Variants in SLC7A6OS observed in about 807,000 individuals in gnomAD.
SLC7A6OS encodes probable RNA polymerase II nuclear localization protein SLC7A6OS.
A neutral mutation model predicts 34.3 loss-of-function variants in SLC7A6OS; 22 were observed. That is an observed-to-expected ratio of 0.64 (90% CI 0.46 to 0.92). SLC7A6OS has a LOEUF of 0.92. Among genes scored for constraint, SLC7A6OS ranks in the 40% least tolerant of loss-of-function variants. The pLI, the probability that SLC7A6OS is intolerant of heterozygous loss-of-function variation, is 0.00. For synonymous variants in SLC7A6OS, 199 were observed against 165.0 expected, an observed-to-expected ratio of 1.21 and a Z score of -1.58; for missense variants, 434 against 407.7, an observed-to-expected ratio of 1.06 and a Z score of -0.56.
intron 2 of SLC7A6OS, among the ~76,000 whole-genome samples, chr16:68,305,074 CAG>C (rs1389270095): frequency 1.3e-5 from 2 of 152,148 alleles, no homozygotes; most frequent in African/African-American, 4.8e-5. Context: ...AGGGGAAAGA[CAG>C]AAGACCTGGC....
At position 68,299,973 on chromosome 16, in the gene SLC7A6OS, TGAA is replaced by T. The variant is rs2043240612; in HGVS notation, c.*1299_*1301del. 6.6e-6 allele frequency: 1 copy of T among 152,130 alleles called. No homozygotes were observed. Among genetic ancestry groups the T allele is most frequent in the African/African-American group, 2.4e-5 (1 of 41,404 alleles). The allele number at this position is 152,130 out of a possible 1,614,324, so 9.4% of individuals were successfully genotyped here. A position where few individuals can be genotyped will look rare whatever the true frequency, so the allele number is the denominator to read the frequency against. Reference sequence around the variant, plus strand: ...AGTCAAAGAATGATGGCAGGTAGGATGAAGGAGAGATACTTAGGAAATCCTAAA... The same window carrying T: ...AGTCAAAGAATGATGGCAGGTAGGATGGAGAGATACTTAGGAAATCCTAAA... On this transcript the variant is annotated 3_prime_UTR_variant, in exon 5 of 5. Coordinates refer to ENST00000263997, the MANE Select transcript of SLC7A6OS (RefSeq NM_032178.3).
chr16:68,304,251 TTA>T lies in SLC7A6OS; in HGVS notation c.472-21_472-20del. On this transcript the variant is annotated intron_variant, in intron 2 of 4. Coordinates refer to ENST00000263997, the MANE Select transcript of SLC7A6OS (RefSeq NM_032178.3). ...CAGATGTCTGTAAAGAAACCACAGA[TTA>T]CACACACACGCATGACCCAAAACAT... 1 of 1,606,900 alleles carries T rather than the reference TTA, an allele frequency of 6.2e-7. No homozygotes were observed. The highest frequency in any genetic ancestry group is 1.1e-5 in the South Asian group (1 of 90,948).
At chr16:68,302,853 A>C (rs901874987) in intron 3 of SLC7A6OS, among the ~76,000 whole-genome samples, 31 of 152,266 alleles carry the variant, frequency 2.0e-4, no homozygotes, top group African/African-American at 6.5e-4. Context: ...CAGTGGTCCA[A>C]GGTGGGTACC....
Position 68,300,885 on chromosome 16 carries a change from C to T in SLC7A6OS, c.*390G>A, listed in dbSNP as rs756292838. 1 of 990,794 alleles carries T rather than the reference C, an allele frequency of 1.0e-6. No homozygotes were observed. Among genetic ancestry groups the T allele is most frequent in the Non-Finnish European group, 1.2e-6 (1 of 833,624 alleles). 61.4% of individuals were successfully genotyped at this position (990,794 alleles called of 1,614,324 possible). A position where few individuals can be genotyped will look rare whatever the true frequency, so the allele number is the denominator to read the frequency against. ...ACAGGGTTTTCCTAGAGGCAGGCAG[C>T]CTGGTGGTATGGCACAGCAGAAGCT... is the stretch of plus-strand genomic sequence containing the variant. On this transcript the variant is annotated 3_prime_UTR_variant, in exon 5 of 5. Coordinates refer to ENST00000263997, the MANE Select transcript of SLC7A6OS (RefSeq NM_032178.3).
intron 2 of SLC7A6OS, among the ~76,000 whole-genome samples, chr16:68,307,650 A>C (rs1442033470): frequency 1.3e-5 from 2 of 152,180 alleles, no homozygotes; most frequent in African/African-American, 2.4e-5. Flanking sequence ...GGCTTGCATC[A>C]ATTTTATTCC....
Position 68,310,813 on chromosome 16 carries a change from C to A in SLC7A6OS, c.114G>T (p.Ala38=), listed in dbSNP as rs199568667. ...CCAAACCCTCCGACGTCTTCTGTGC[C>A]GCTGACTCGACCGCGTCGCTCCGGA... ...KRLRSDAVES[A]AQKTSEGLER... The change falls in exon 1 of 5, where the codon GCG becomes GCT. Residue 38 remains alanine, a synonymous_variant. Coordinates refer to ENST00000263997, the MANE Select transcript of SLC7A6OS (RefSeq NM_032178.3). 1.2e-5 allele frequency: 20 copies of A among 1,613,826 alleles called. No individual in the cohort carries two copies. In the East Asian group the frequency reaches 3.3e-4, roughly 27 times the overall value.
At chr16:68,310,674 C>T (rs991329800) in intron 1 of SLC7A6OS, 61 bp from the exon 2 acceptor site, 200 of 1,580,248 alleles carry the variant, frequency 1.3e-4, no homozygotes, top group Non-Finnish European at 1.7e-4. Flanking sequence ...GGTCAGGGAT[C>T]GGGTTTCGTA....
chr16:68,310,943 CA>C lies in SLC7A6OS; in HGVS notation c.-18del. 1 of 1,563,046 alleles carries C rather than the reference CA, an allele frequency of 6.4e-7. No individual in the cohort carries two copies. On this transcript the variant is annotated 5_prime_UTR_variant, in exon 1 of 5. Transcript: ENST00000263997. ...GGCCTCCATAGTGGCTGCCGCTGAG[CA>C]CTGTGGGAGCTCGCGGGGTGTGATG...
At position 68,304,251 on chromosome 16, in the gene SLC7A6OS, T is replaced by C; in HGVS notation, c.472-19A>G. On this transcript the variant is annotated intron_variant, in intron 2 of 4. Coordinates refer to ENST00000263997, the MANE Select transcript of SLC7A6OS (RefSeq NM_032178.3). ...CAGATGTCTGTAAAGAAACCACAGA[T>C]TACACACACACGCATGACCCAAAAC... 6.2e-7 allele frequency: 1 copy of C among 1,606,900 alleles called. No homozygotes were observed.
At position 68,299,692 on chromosome 16, in the gene SLC7A6OS, G is replaced by A. The variant is rs1342496994; in HGVS notation, c.*1583C>T. ...GCACAGTGTTTTGTTTTTTTCACCC[G>A]GTTGCTGTATGAGAATGGCTTTCAA... On this transcript the variant is annotated 3_prime_UTR_variant, in exon 5 of 5. Transcript: ENST00000263997. The A allele has an allele frequency of 6.6e-6, 1 of 151,986 alleles. No individual in the cohort carries two copies. Among genetic ancestry groups the A allele is most frequent in the East Asian group, 1.9e-4 (1 of 5,192 alleles). 9.4% of individuals were successfully genotyped at this position (151,986 alleles called of 1,614,324 possible).
rs1410910487 is a variant in SLC7A6OS, at chr16:68,300,347, C to G, written c.*928G>C. Reference sequence around the variant, plus strand: ...ACACCAAGGCAGTCAGTTAAGGCAGCTATGGTTTGGAAAGGCATACGGACA... The same window carrying G: ...ACACCAAGGCAGTCAGTTAAGGCAGGTATGGTTTGGAAAGGCATACGGACA... On this transcript the variant is annotated 3_prime_UTR_variant, in exon 5 of 5. Coordinates refer to ENST00000263997, the MANE Select transcript of SLC7A6OS (RefSeq NM_032178.3). The G allele has an allele frequency of 6.6e-6, 1 of 152,292 alleles. No homozygotes were observed. Among genetic ancestry groups the G allele is most frequent in the Non-Finnish European group, 1.5e-5 (1 of 68,208 alleles). The allele number at this position is 152,292 out of a possible 1,614,324, so 9.4% of individuals were successfully genotyped here. A position where few individuals can be genotyped will look rare whatever the true frequency, so the allele number is the denominator to read the frequency against.
At chr16:68,301,447 C>T (rs148061780) in intron 4 of SLC7A6OS, 42 bp from the exon 5 acceptor site, 35 of 1,587,660 alleles carry the variant, frequency 2.2e-5, no homozygotes, top group Non-Finnish European at 2.8e-5. Flanking sequence ...TGTGATTTTC[C>T]TAGGCTACTG....
intron 2 of SLC7A6OS, among the ~76,000 whole-genome samples, chr16:68,306,398 T>C (rs999259860): frequency 9.9e-5 from 15 of 152,100 alleles, no homozygotes; most frequent in African/African-American, 3.6e-4. Flanking sequence ...TTTGTATTTT[T>C]AGTAGAGACC....
At chr16:68,302,292 G>A (rs369413429) in intron 4 of SLC7A6OS, 89 bp downstream of exon 4, 4 of 1,497,462 alleles carry the variant, frequency 2.7e-6, no homozygotes, top group Non-Finnish European at 2.7e-6. Flanking sequence ...TGACAGAGAA[G>A]GAAAGGCAAT....
In SLC7A6OS at chr16:68,299,122, G is replaced by T. The variant is rs2043225059; in HGVS notation, c.*2153C>A. On this transcript the variant is annotated 3_prime_UTR_variant, in exon 5 of 5. Coordinates refer to ENST00000263997, the MANE Select transcript of SLC7A6OS (RefSeq NM_032178.3). Reference sequence around the variant, plus strand: ...CGGCAAATTCCTGCCCGACGACAGGGTGTCTTATGCAAAGGCTGACTTGCC... The same window carrying T: ...CGGCAAATTCCTGCCCGACGACAGGTTGTCTTATGCAAAGGCTGACTTGCC... 1 of 152,684 alleles carries T rather than the reference G, an allele frequency of 6.5e-6. No individual in the cohort carries two copies. Among genetic ancestry groups the T allele is most frequent in the Non-Finnish European group, 1.5e-5 (1 of 68,060 alleles). The allele number at this position is 152,684 out of a possible 1,614,324, so 9.5% of individuals were successfully genotyped here. A position where few individuals can be genotyped will look rare whatever the true frequency, so the allele number is the denominator to read the frequency against.
rs2043266064 is a variant in SLC7A6OS, at chr16:68,301,200, G to GTCAGCAGGGCAGTTAACTCTGGAC, written c.*51_*74dup. 3 of 1,540,952 alleles carry GTCAGCAGGGCAGTTAACTCTGGAC rather than the reference G, an allele frequency of 1.9e-6. No individual in the cohort carries two copies. Among genetic ancestry groups the GTCAGCAGGGCAGTTAACTCTGGAC allele is most frequent in the Non-Finnish European group, 2.6e-6 (3 of 1,137,786 alleles). ...GTTAAGCTAGGAAACCTAACAGGAT[G>GTCAGCAGGGCAGTTAACTCTGGAC]TCAGCAGGGCAGTTAACTCTGGACT... On this transcript the variant is annotated 3_prime_UTR_variant, in exon 5 of 5. Coordinates refer to ENST00000263997, the MANE Select transcript of SLC7A6OS (RefSeq NM_032178.3).
chr16:68,303,955 G>A (rs976210250), intron 3 of SLC7A6OS, 71 bp downstream of exon 3: 55 of 1,379,700 alleles, frequency 4.0e-5, no homozygotes, highest in East Asian at 1.1e-4. Flanking sequence ...GGAGCCCAGG[G>A]AAGCAAAGCA....
chr16:68,310,728 C>G lies in SLC7A6OS; in HGVS notation c.192+7G>C. ...GCCCTCCACACCAGCTGCACCACGC[C>G]CAATACCTGGGAGCACACAGTGGCC... is the stretch of plus-strand genomic sequence containing the variant. On this transcript the variant is annotated splice_region_variant and intron_variant, in intron 1 of 4. Transcript: ENST00000263997. The G allele has an allele frequency of 6.2e-7, 1 of 1,600,956 alleles. No individual in the cohort carries two copies. Among genetic ancestry groups the G allele is most frequent in the Non-Finnish European group, 8.5e-7 (1 of 1,170,760 alleles).
Position 68,310,822 on chromosome 16 carries a change from G to T in SLC7A6OS, c.105C>A (p.Val35=). Residue 35 remains valine (V), a synonymous_variant, in exon 1 of 5, where the codon GTC becomes GTA. Coordinates refer to ENST00000263997, the MANE Select transcript of SLC7A6OS (RefSeq NM_032178.3). ...LACKRLRSDA[V]ESAAQKTSEG... ...CCGACGTCTTCTGTGCCGCTGACTC[G>T]ACCGCGTCGCTCCGGAGGCGTTTAC... 2.5e-6 allele frequency: 4 copies of T among 1,613,710 alleles called. No individual in the cohort carries two copies. The highest frequency in any genetic ancestry group is 3.4e-6 in the Non-Finnish European group (4 of 1,179,936).
Sources: gnomAD v4.1 joint callset for allele counts (sites outside exome capture counted in the v4.1 genomes callset) on GRCh38, gnomAD v4.1.1 for gene constraint, MANE v1.5 for transcripts, NCBI Gene and HGNC (gene_info 2026-07-23, HGNC 2026-07-21) for gene names.